Variants in IARS2 observed in about 807,000 individuals in gnomAD.
The protein encoded by IARS2 is isoleucine--tRNA ligase, mitochondrial.
Under a neutral mutation model 126.3 loss-of-function variants are expected in IARS2, and 56 were observed. That is an observed-to-expected ratio of 0.44 (90% CI 0.36 to 0.55). The LOEUF (loss-of-function observed/expected upper bound fraction) is 0.55. Ranked by LOEUF, IARS2 falls within the 20% of genes least tolerant of loss-of-function variation. IARS2 has a pLI of 0.00. For synonymous variants in IARS2, 407 were observed against 441.1 expected (o/e 0.92, Z 0.97); for missense variants, 1,127 against 1,245.9 (o/e 0.90, Z 1.44).
chr1:220,100,331 T>C (rs553088033), intron 2 of IARS2, among the ~76,000 whole-genome samples, 159 bp from the exon 3 acceptor site: 2 of 152,298 alleles, frequency 1.3e-5, no homozygotes. Flanking sequence ...CCTTTCAAAT[T>C]GCAGTTTTAA....
Position 220,147,615 on chromosome 1 carries a change from G to A in IARS2, c.3019G>A (p.Glu1007Lys). ...AGATACACTGTGTCCTCGATGTGCA[G>A]AAGTTGTCAGTGGAAAATAGTATTA... ...SSDTLCPRCA[E>K]VVSGK The change falls in exon 23 of 23, where the codon GAA becomes AAA. Residue 1007 changes from glutamate to lysine, a missense_variant. Transcript: ENST00000366922. The A allele has an allele frequency of 6.2e-7, 1 of 1,614,118 alleles. No individual in the cohort carries two copies. The highest frequency in any genetic ancestry group is 8.5e-7 in the Non-Finnish European group (1 of 1,180,010).
chr1:220,107,424 A>T (rs992492784), intron 10 of IARS2, among the ~76,000 whole-genome samples: 3 of 152,196 alleles, frequency 2.0e-5, no homozygotes, highest in African/African-American at 7.2e-5. Context: ...GAAGGATACA[A>T]TCAAGATCAG....
Position 220,114,460 on chromosome 1 carries a change from A to C in IARS2, c.1626A>C (p.Glu542Asp). 1 of 1,611,220 alleles carries C rather than the reference A, an allele frequency of 6.2e-7. No individual in the cohort carries two copies. Reference protein sequence around the residue: ...IPVFHHKTKDEYLINSQTTEH... With the variant: ...IPVFHHKTKDDYLINSQTTEH... ...TGTTTCATCATAAGACCAAGGATGA[A>C]TACTTGATCAACAGGTAGAATGCTT... Residue 542 changes from glutamate (E) to aspartate (D), a missense_variant, in exon 12 of 23, where the codon GAA becomes GAC. Glu to Asp is a conservative substitution (Grantham distance 45). Transcript: ENST00000366922.
chr1:220,101,248 CA>C (rs1244913574), intron 3 of IARS2, among the ~76,000 whole-genome samples: 1 of 152,006 alleles, frequency 6.6e-6, no homozygotes, highest in Non-Finnish European at 1.5e-5. Flanking sequence ...ATAATTTTTC[CA>C]GTTTATTTGT....
At chr1:220,123,836 ACACTT>A (rs1172403312) in intron 12 of IARS2, among the ~76,000 whole-genome samples, 4 of 152,190 alleles carry the variant, frequency 2.6e-5, no homozygotes, top group African/African-American at 7.2e-5. Context: ...TTTTTGGTAA[ACACTT>A]CATTTATCTG....
chr1:220,120,849 C>T (rs1657036488), intron 12 of IARS2, among the ~76,000 whole-genome samples: 1 of 152,024 alleles, frequency 6.6e-6, no homozygotes, highest in Admixed American at 6.6e-5. Flanking sequence ...AATAATTTAT[C>T]TAGAATCTCA....
In IARS2 at chr1:220,094,225, G is replaced by A; in HGVS notation, c.9G>A (p.Trp3Ter). The A allele has an allele frequency of 6.3e-7, 1 of 1,581,942 alleles. No homozygotes were observed. The highest frequency in any genetic ancestry group is 8.6e-7 in the Non-Finnish European group (1 of 1,165,194). The change falls in exon 1 of 23, where the codon TGG (tryptophan) becomes TGA (stop). Residue 3 changes from tryptophan (W) to a stop codon, truncating the protein, a stop_gained. Transcript: ENST00000366922. LOFTEE classifies it high-confidence loss of function. The stretch of plus-strand genomic sequence containing the variant: ...TCAGGGGTTGCCGGACCATGCGTTG[G>A]GGGCTGCGCCCTCGCGGGCCGGGCG... The part of the protein sequence containing the change: MR[W>*]GLRPRGPGAA...
At chr1:220,141,591 G>C (rs1433369129) in intron 19 of IARS2, among the ~76,000 whole-genome samples, 2 of 152,208 alleles carry the variant, frequency 1.3e-5, no homozygotes, top group African/African-American at 4.8e-5. Context: ...CTGAGAAACA[G>C]AATGAGATAG....
chr1:220,096,314 T>C, intron 2 of IARS2, 88 bp downstream of exon 2: 1 of 862,998 alleles, frequency 1.2e-6, no homozygotes, highest in Admixed American at 3.2e-5. Context: ...ATGATAATTA[T>C]GTAAATTTAG....
At chr1:220,101,663 T>G (rs768684525) in intron 3 of IARS2, among the ~76,000 whole-genome samples, 2 of 149,738 alleles carry the variant, frequency 1.3e-5, no homozygotes, top group Non-Finnish European at 3.0e-5. Context: ...GATCCGCCAC[T>G]GCATGCCAAC....
intron 10 of IARS2, among the ~76,000 whole-genome samples, chr1:220,107,640 A>G (rs563894217): frequency 6.6e-6 from 1 of 152,296 alleles, no homozygotes; most frequent in Non-Finnish European, 1.5e-5. Flanking sequence ...TTTAGACCTG[A>G]TATATTACTT....
At chr1:220,117,949 C>G (rs1656961403) in intron 12 of IARS2, 1 of 506,456 alleles carries the variant, frequency 2.0e-6, no homozygotes, top group Admixed American at 2.0e-5. Flanking sequence ...TCCTGTATAC[C>G]ATTTCTGAAT....
intron 10 of IARS2, among the ~76,000 whole-genome samples, chr1:220,108,383 A>T (rs1019941561): frequency 1.4e-5 from 2 of 145,964 alleles, no homozygotes; most frequent in African/African-American, 5.1e-5. Context: ...TTTATTTTTT[A>T]TTTTATTTTT....
At chr1:220,147,168 G>A (rs1412835227) in intron 22 of IARS2, among the ~76,000 whole-genome samples, 2 of 152,274 alleles carry the variant, frequency 1.3e-5, no homozygotes, top group Admixed American at 6.5e-5. Flanking sequence ...TGTAGCTGGA[G>A]AGGCAGTGTC....
At position 220,114,437 on chromosome 1, in the gene IARS2, T is replaced by C. The variant is rs201531837; in HGVS notation, c.1603T>C (p.Phe535Leu). ...AGTTTGGGGTGTTCCAATTCCTGTG[T>C]TTCATCATAAGACCAAGGATGAATA... The part of the protein sequence containing the change: ...QRVWGVPIPV[F>L]HHKTKDEYLI... Residue 535 changes from phenylalanine to leucine, a missense_variant, in exon 12 of 23, where the codon TTT becomes CTT. Phe to Leu is a conservative substitution (Grantham distance 22). Transcript: ENST00000366922. 1.9e-6 allele frequency: 3 copies of C among 1,614,050 alleles called. No homozygotes were observed. The highest frequency in any genetic ancestry group is 2.5e-6 in the Non-Finnish European group (3 of 1,179,962).
intron 22 of IARS2, among the ~76,000 whole-genome samples, chr1:220,146,116 T>C (rs552153606): frequency 1.5e-3 from 221 of 152,344 alleles, no homozygotes; most frequent in Non-Finnish European, 2.7e-3. Context: ...TTGAGCTCAT[T>C]CTAACAATGG....
chr1:220,124,502 T>A (rs1657112097), intron 12 of IARS2, among the ~76,000 whole-genome samples: 1 of 152,208 alleles, frequency 6.6e-6, no homozygotes, highest in Non-Finnish European at 1.5e-5. Context: ...CTAGTGCCTG[T>A]GCCCAGGACA....
At chr1:220,124,394 T>C (rs1657110149) in intron 12 of IARS2, among the ~76,000 whole-genome samples, 1 of 152,182 alleles carries the variant, frequency 6.6e-6, no homozygotes, top group African/African-American at 2.4e-5. Context: ...TATAGTCTCA[T>C]TTAGTTTGTA....
At chr1:220,114,627 C>T (rs1469825044) in intron 12 of IARS2, among the ~76,000 whole-genome samples, 153 bp downstream of exon 12, 1 of 152,094 alleles carries the variant, frequency 6.6e-6, no homozygotes, top group African/African-American at 2.4e-5. Context: ...AAGTTCAAAA[C>T]AATTCTATCA....
Sources: allele counts gnomAD v4.1 joint callset (sites outside exome capture counted in the v4.1 genomes callset), GRCh38; gene constraint gnomAD v4.1.1; transcripts MANE v1.5; gene names NCBI Gene and HGNC (gene_info 2026-07-23, HGNC 2026-07-21).